Variants in TENM3 observed in about 807,000 individuals in gnomAD.
The protein encoded by TENM3 is teneurin transmembrane protein 3, also known as teneurin-3.
A neutral mutation model predicts 255.1 loss-of-function variants in TENM3; 63 were observed. That is an observed-to-expected ratio of 0.25 (90% CI 0.20 to 0.30). TENM3 has a LOEUF of 0.30. Among genes scored for constraint, TENM3 ranks in the 10% least tolerant of loss-of-function variants. The probability of loss-of-function intolerance (pLI) is 1.00; values close to 1 mark genes in which losing one functional copy is unlikely to be tolerated. For missense variants in TENM3, 2,929 were observed against 3,461.1 expected, an observed-to-expected ratio of 0.85 and a Z score of 3.86; for synonymous variants, 1,306 against 1,322.3, an observed-to-expected ratio of 0.99 and a Z score of 0.27.
the TENM3 span, among the ~76,000 whole-genome samples, chr4:182,014,043 CGT>C: frequency 2.5e-5 from 1 of 39,608 alleles, no homozygotes; most frequent in Non-Finnish European, 5.2e-5. Flanking sequence ...CACATATATA[CGT>C]ATATATACGT....
At chr4:181,991,219 C>T in the TENM3 span, among the ~76,000 whole-genome samples, 473 of 152,240 alleles carry the variant, frequency 3.1e-3, 4 homozygotes, top group African/African-American at 0.011. Context: ...CAACCTCTTA[C>T]AAATGAAAAA....
At chr4:182,547,394 A>T (rs1741553014) in intron 3 of TENM3, among the ~76,000 whole-genome samples, 1 of 152,162 alleles carries the variant, frequency 6.6e-6, no homozygotes, top group Admixed American at 6.5e-5. Context: ...AATGTTAATG[A>T]ATAATTTTGC....
chr4:182,608,001 A>G (rs13109227), intron 4 of TENM3, among the ~76,000 whole-genome samples: 2 of 152,254 alleles, frequency 1.3e-5, no homozygotes, highest in East Asian at 3.9e-4. Flanking sequence ...CATTATCTTC[A>G]TCTGAAAATG....
chr4:181,448,363 G>A, the TENM3 span, among the ~76,000 whole-genome samples: 1 of 150,026 alleles, frequency 6.7e-6, no homozygotes, highest in Non-Finnish European at 1.5e-5. Context: ...AGTAGAGACG[G>A]GGTTTCACCG....
chr4:181,657,246 G>T, the TENM3 span, among the ~76,000 whole-genome samples: 1 of 152,176 alleles, frequency 6.6e-6, no homozygotes, highest in East Asian at 1.9e-4. Context: ...AAACACCATA[G>T]CAATACTTTC....
chr4:182,642,481 AT>A (rs887243836), intron 5 of TENM3, among the ~76,000 whole-genome samples: 3 of 152,250 alleles, frequency 2.0e-5, no homozygotes, highest in Non-Finnish European at 4.4e-5. Context: ...TAATGTTATC[AT>A]TTATAAAAGA....
intron 20 of TENM3, 112 bp downstream of exon 20, chr4:182,752,144 A>G: frequency 1.5e-6 from 1 of 680,596 alleles, no homozygotes; most frequent in Non-Finnish European, 2.4e-6. Flanking sequence ...CTAACTTTTT[A>G]CCTTTGACAG....
intron 3 of TENM3, among the ~76,000 whole-genome samples, chr4:182,526,397 A>G (rs1025677070): frequency 1.3e-5 from 2 of 152,108 alleles, no homozygotes; most frequent in African/African-American, 4.8e-5. Flanking sequence ...TGCTGTACAT[A>G]GTCTAATCGT....
rs1766724753 is a variant in TENM3 at position 182,799,298 on chromosome 4, C to A, written c.7345-298C>A. Among the ~76,000 whole-genome samples the A allele has an allele frequency of 6.6e-6, 1 of 152,176 alleles. No homozygotes were observed. The highest frequency in any genetic ancestry group is 6.5e-5 in the Admixed American group (1 of 15,280). On this transcript the variant is annotated intron_variant, in intron 27 of 27. Transcript: ENST00000511685. The surrounding 1 kb of genome is among the most constrained non-coding windows in gnomAD (Gnocchi z 4.2). ...TGGGGTGGGAGTGGGAAAAGAGCAT[C>A]TAGAAACTGTAAGAGAAAAGCAAGA...
chr4:181,594,857 A>G, the TENM3 span, among the ~76,000 whole-genome samples: 1 of 152,142 alleles, frequency 6.6e-6, no homozygotes, highest in African/African-American at 2.4e-5. Flanking sequence ...CTTCTTCCAA[A>G]GTTTTATTTA....
At chr4:182,048,257 C>T in the TENM3 span, among the ~76,000 whole-genome samples, 1 of 152,102 alleles carries the variant, frequency 6.6e-6, no homozygotes, top group African/African-American at 2.4e-5. Flanking sequence ...TTGTTATCTA[C>T]TAACAAGAGT....
intron 1 of TENM3, among the ~76,000 whole-genome samples, chr4:182,212,780 T>C (rs2149900625): frequency 6.6e-6 from 1 of 152,318 alleles, no homozygotes; most frequent in Middle Eastern, 3.4e-3. Flanking sequence ...CAATTTTGAC[T>C]TCCCAAAGAT....
At chr4:182,299,846 C>T (rs961413430) in intron 1 of TENM3, among the ~76,000 whole-genome samples, 8 of 151,418 alleles carry the variant, frequency 5.3e-5, no homozygotes, top group South Asian at 2.1e-4. Context: ...CATTACAGCA[C>T]GAGCAGGGTG....
Position 182,789,475 on chromosome 4 carries a change from C to T in TENM3, c.5601+86C>T, listed in dbSNP as rs1218104890. On this transcript the variant is annotated intron_variant, in intron 25 of 27. Transcript: ENST00000511685. The surrounding 1 kb of genome is among the most constrained non-coding windows in gnomAD (Gnocchi z 4.4). ...TCCAGAGCACTAAGGGGAAAAAAAA[C>T]AGTGGCACATGACTGAGTTCCATTT... 2 of 1,241,046 alleles carry T rather than the reference C, an allele frequency of 1.6e-6. No homozygotes were observed. Among genetic ancestry groups the T allele is most frequent in the African/African-American group, 1.5e-5 (1 of 66,124 alleles). The allele number at this position is 1,241,046 out of a possible 1,614,324, so 76.9% of individuals were successfully genotyped here.
chr4:181,542,919 A>G, the TENM3 span, among the ~76,000 whole-genome samples: 1 of 152,168 alleles, frequency 6.6e-6, no homozygotes, highest in African/African-American at 2.4e-5. Context: ...GGGTTCCCCC[A>G]TCCCCTACAT....
the TENM3 span, among the ~76,000 whole-genome samples, chr4:182,122,621 A>C: frequency 6.6e-6 from 1 of 152,182 alleles, no homozygotes; most frequent in Non-Finnish European, 1.5e-5. Flanking sequence ...GTGTAAACAG[A>C]TGTGCTGTCA....
At chr4:182,599,572 A>G (rs60885746) in intron 3 of TENM3, among the ~76,000 whole-genome samples, 26,563 of 152,164 alleles carry the variant, frequency 0.17, 2,528 homozygotes, top group African/African-American at 0.24. Flanking sequence ...CTGATGTTAT[A>G]TGCTATGAGA....
rs1050313890 is a variant in TENM3 at position 182,696,948 on chromosome 4, T to C, written c.2221+8597T>C. On this transcript the variant is annotated intron_variant, in intron 12 of 27. Coordinates refer to ENST00000511685, the MANE Select transcript of TENM3 (RefSeq NM_001080477.4). The stretch of plus-strand genomic sequence containing the variant: ...CCAGCTCTGTCACTTCATATCTGTA[T>C]GATCTTGGGAAATTACTTAAGCCCC... 2.2e-5 allele frequency among the ~76,000 whole-genome samples: 3 copies of C among 135,346 alleles called. No homozygotes were observed. In the East Asian group the frequency reaches 5.9e-4, roughly 27 times the overall value. The allele number at this position is 135,346 out of a possible 152,430, so 88.8% of individuals were successfully genotyped here. A position where few individuals can be genotyped will look rare whatever the true frequency, so the allele number is the denominator to read the frequency against.
the TENM3 span, among the ~76,000 whole-genome samples, chr4:181,842,416 A>G: frequency 8.5e-5 from 13 of 152,320 alleles, no homozygotes; most frequent in African/African-American, 2.9e-4. Context: ...TTTTATTCTT[A>G]TAACAAGCTT....
Sources: allele counts gnomAD v4.1 joint callset (sites outside exome capture counted in the v4.1 genomes callset), GRCh38; gene constraint gnomAD v4.1.1; non-coding constraint Gnocchi (gnomAD v3.1); transcripts MANE v1.5; gene names NCBI Gene and HGNC (gene_info 2026-07-23, HGNC 2026-07-21).